The following PHF21A variants were observed in gnomAD, a reference collection of about 807,000 sequenced individuals.
The protein encoded by PHF21A is BHC80a.
Under a neutral mutation model 82.5 loss-of-function variants are expected in PHF21A, and 11 were observed. The ratio of observed to expected loss-of-function variants is 0.13; its 90% CI spans 0.08 to 0.22. PHF21A has a LOEUF of 0.22. PHF21A is among the 10% of genes least tolerant of loss of function. The pLI, the probability that PHF21A is intolerant of heterozygous loss-of-function variation, is 1.00. For synonymous variants in PHF21A, 297 were observed against 302.8 expected, an observed-to-expected ratio of 0.98 and a Z score of 0.20; for missense variants, 579 against 837.8, an observed-to-expected ratio of 0.69 and a Z score of 3.81.
chr11:46,005,493 CTT>C (rs1444747140), intron 6 of PHF21A, among the ~76,000 whole-genome samples: 2 of 152,112 alleles, frequency 1.3e-5, no homozygotes, highest in Non-Finnish European at 2.9e-5. Context: ...GCAATATTAA[CTT>C]AATTAATGGG....
At chr11:46,054,983 C>T (rs1031478009) in intron 6 of PHF21A, among the ~76,000 whole-genome samples, 1 of 152,074 alleles carries the variant, frequency 6.6e-6, no homozygotes, top group African/African-American at 2.4e-5. Context: ...TTTAAATGAA[C>T]CTTCATTTGC....
chr11:46,105,923 T>C (rs1566021915), intron 1 of PHF21A, among the ~76,000 whole-genome samples: 2 of 152,202 alleles, frequency 1.3e-5, no homozygotes, highest in Admixed American at 1.3e-4. Context: ...TATACTAATA[T>C]CTAATAGCAT....
chr11:46,084,765 T>C (rs1392089452), intron 3 of PHF21A, among the ~76,000 whole-genome samples: 1 of 151,884 alleles, frequency 6.6e-6, no homozygotes, highest in Non-Finnish European at 1.5e-5. Flanking sequence ...CTGCAAGCTC[T>C]GCCTCCCAGG....
intron 3 of PHF21A, among the ~76,000 whole-genome samples, chr11:46,085,823 G>C (rs1333320967): frequency 6.6e-6 from 1 of 151,906 alleles, no homozygotes; most frequent in Non-Finnish European, 1.5e-5. Flanking sequence ...ATATTCTTGT[G>C]AATATGAGTT....
chr11:45,962,841 C>T (rs1398431108), intron 10 of PHF21A, among the ~76,000 whole-genome samples: 4 of 151,300 alleles, frequency 2.6e-5, no homozygotes, highest in African/African-American at 4.9e-5. Flanking sequence ...TGCAGTGAGC[C>T]GGGATCGTGC....
intron 6 of PHF21A, among the ~76,000 whole-genome samples, chr11:46,043,541 T>C (rs998039057): frequency 5.3e-5 from 8 of 152,142 alleles, no homozygotes; most frequent in South Asian, 2.1e-4. Flanking sequence ...TAGTGAAGCT[T>C]TGGCCCCTGA....
At chr11:46,074,268 CA>C (rs1296970660) in intron 6 of PHF21A, among the ~76,000 whole-genome samples, 1 of 151,664 alleles carries the variant, frequency 6.6e-6, no homozygotes, top group African/African-American at 2.4e-5. Flanking sequence ...AGAATAGAAG[CA>C]AATATGACAA....
chr11:46,046,323 G>T (rs536162731), intron 6 of PHF21A, among the ~76,000 whole-genome samples: 1 of 152,160 alleles, frequency 6.6e-6, no homozygotes, highest in Non-Finnish European at 1.5e-5. Flanking sequence ...AGGCTAATAT[G>T]CAAGGGAAAC....
chr11:45,995,734 C>T (rs1024685737), intron 6 of PHF21A, among the ~76,000 whole-genome samples: 1 of 152,120 alleles, frequency 6.6e-6, no homozygotes, highest in Non-Finnish European at 1.5e-5. Flanking sequence ...AGAAGCTGAA[C>T]GCAGCTCTGT....
chr11:46,054,038 G>A (rs768491253), intron 6 of PHF21A, among the ~76,000 whole-genome samples: 2 of 152,020 alleles, frequency 1.3e-5, no homozygotes, highest in Admixed American at 6.6e-5. Context: ...AAGCAACGTC[G>A]TGGCAGTGGA....
chr11:45,965,640 T>C, intron 9 of PHF21A, 32 bp from the exon 10 acceptor site: 2 of 1,486,220 alleles, frequency 1.3e-6, no homozygotes, highest in Non-Finnish European at 1.8e-6. Flanking sequence ...ATTATTGTAT[T>C]ACTTAAGCTG....
chr11:46,085,809 G>T (rs2096849894), intron 3 of PHF21A, among the ~76,000 whole-genome samples: 1 of 151,976 alleles, frequency 6.6e-6, no homozygotes, highest in African/African-American at 2.4e-5. Context: ...ATTAACTAGG[G>T]AGTATATTCT....
chr11:46,051,162 T>G (rs1441510444), intron 6 of PHF21A, among the ~76,000 whole-genome samples: 1 of 152,172 alleles, frequency 6.6e-6, no homozygotes. Flanking sequence ...AAAGGATAAC[T>G]TTCCACCTTT....
Position 45,933,932 on chromosome 11 carries a change from C to T in PHF21A, c.*36G>A, listed in dbSNP as rs141244643. 4.4e-3 allele frequency: 6,593 copies of T among 1,487,900 alleles called. 18 individuals carry two copies. Among genetic ancestry groups the T allele is most frequent in the Non-Finnish European group, 5.1e-3 (5,743 of 1,117,732 alleles). 92.2% of individuals were successfully genotyped at this position (1,487,900 alleles called of 1,614,324 possible). ...GTCTTCAGTGTTCTGTTCTCCTTGC[C>T]GCCGGGATCCCGTGGCTTCTCCTAG... On this transcript the variant is annotated 3_prime_UTR_variant, in exon 19 of 19. Coordinates refer to ENST00000676320, the MANE Select transcript of PHF21A (RefSeq NM_001352027.3).
chr11:46,120,005 G>A (rs1172869429), intron 1 of PHF21A: 1 of 147,586 alleles, frequency 6.8e-6, no homozygotes, highest in Admixed American at 6.7e-5. Flanking sequence ...GCGAATGCGG[G>A]AGGGCCGGCC....
chr11:46,012,461 A>G (rs999396617), intron 6 of PHF21A, among the ~76,000 whole-genome samples: 1 of 152,194 alleles, frequency 6.6e-6, no homozygotes, highest in African/African-American at 2.4e-5. Context: ...TTATCTCCAC[A>G]AACAGTGAAG....
chr11:45,950,350 C>T, intron 11 of PHF21A, 93 bp from the exon 12 acceptor site: 1 of 1,014,260 alleles, frequency 9.9e-7, no homozygotes, highest in Non-Finnish European at 1.5e-6. Flanking sequence ...GAAAGCCAGC[C>T]CAATGGGCGG....
chr11:45,938,124 C>G (rs778514162), intron 16 of PHF21A, 33 bp downstream of exon 16: 2 of 1,520,078 alleles, frequency 1.3e-6, no homozygotes, highest in Admixed American at 2.1e-5. Flanking sequence ...TTGTCCTCCT[C>G]GGCCCCTCCC....
intron 6 of PHF21A, among the ~76,000 whole-genome samples, chr11:46,050,648 A>G (rs1328839328): frequency 6.6e-6 from 1 of 152,240 alleles, no homozygotes; most frequent in Non-Finnish European, 1.5e-5. Context: ...CACAATGTTC[A>G]AGAGCATAGT....
Sources: allele counts gnomAD v4.1 joint callset (sites outside exome capture counted in the v4.1 genomes callset), GRCh38; gene constraint gnomAD v4.1.1; transcripts MANE v1.5; gene names NCBI Gene and HGNC (gene_info 2026-07-23, HGNC 2026-07-21).